Variants in SLC39A11 observed in about 807,000 individuals in gnomAD.
The protein encoded by SLC39A11 is solute carrier family 39 member 11.
SLC39A11 carries 33 observed loss-of-function variants against 36.1 expected under a neutral mutation model. The ratio of observed to expected loss-of-function variants is 0.91; its 90% CI spans 0.69 to 1.22. The LOEUF (loss-of-function observed/expected upper bound fraction) is 1.22. Ranked by LOEUF, SLC39A11 falls within the 50% of genes most tolerant of loss-of-function variation. The pLI is 0.00. For synonymous variants in SLC39A11, 166 were observed against 170.3 expected (o/e 0.97, Z 0.20); for missense variants, 432 against 430.3 (o/e 1.00, Z -0.03).
At chr17:72,731,713 T>G (rs527720624) in intron 7 of SLC39A11, among the ~76,000 whole-genome samples, 40 of 150,122 alleles carry the variant, frequency 2.7e-4, no homozygotes, top group Middle Eastern at 3.4e-3. Context: ...GCATTCCTTT[T>G]TTTGTTTGTT....
At chr17:73,077,636 A>G (rs2060368278) in intron 3 of SLC39A11, among the ~76,000 whole-genome samples, 1 of 152,186 alleles carries the variant, frequency 6.6e-6, no homozygotes, top group Non-Finnish European at 1.5e-5. Flanking sequence ...CTCAAGGACA[A>G]TTTTAGAAAA....
intron 5 of SLC39A11, among the ~76,000 whole-genome samples, chr17:72,862,952 C>A (rs573120968): frequency 2.0e-5 from 3 of 152,070 alleles, no homozygotes; most frequent in African/African-American, 7.2e-5. Flanking sequence ...AAACAAAACA[C>A]AAAACAAACG....
intron 7 of SLC39A11, among the ~76,000 whole-genome samples, chr17:72,700,845 G>A (rs1489416878): frequency 6.6e-6 from 1 of 152,208 alleles, no homozygotes; most frequent in Non-Finnish European, 1.5e-5. Context: ...CAGATCTCCT[G>A]AGACTTATCC....
chr17:72,679,378 T>C (rs147067433), intron 7 of SLC39A11, among the ~76,000 whole-genome samples: 3 of 152,310 alleles, frequency 2.0e-5, no homozygotes, highest in South Asian at 4.1e-4. Context: ...GCTAAAAATA[T>C]AGACAACAAT....
At chr17:72,780,525 G>GGGGA (rs1555670210) in intron 6 of SLC39A11, among the ~76,000 whole-genome samples, 1 of 122,962 alleles carries the variant, frequency 8.1e-6, no homozygotes, top group Non-Finnish European at 1.6e-5. Flanking sequence ...GAAGATGGGG[G>GGGGA]GCGGGTGGGG....
chr17:72,887,412 C>T (rs1345575959), intron 5 of SLC39A11, among the ~76,000 whole-genome samples: 1 of 152,212 alleles, frequency 6.6e-6, no homozygotes, highest in African/African-American at 2.4e-5. Context: ...ATGAGGAGCA[C>T]TTCTCCCGAG....
intron 4 of SLC39A11, among the ~76,000 whole-genome samples, chr17:73,014,821 C>T (rs907656655): frequency 3.3e-5 from 5 of 152,164 alleles, no homozygotes; most frequent in South Asian, 2.1e-4. Context: ...AGCCCCTGGC[C>T]GGCCTGCAGC....
chr17:72,896,542 C>T (rs2146828140), intron 5 of SLC39A11, among the ~76,000 whole-genome samples: 1 of 152,244 alleles, frequency 6.6e-6, no homozygotes, highest in East Asian at 1.9e-4. Flanking sequence ...TTTGTTAGTG[C>T]TGTACCCCAA....
At chr17:72,660,899 C>T (rs913691840) in intron 7 of SLC39A11, among the ~76,000 whole-genome samples, 3 of 152,160 alleles carry the variant, frequency 2.0e-5, no homozygotes. Flanking sequence ...GGCCAAATGT[C>T]TCCGGGGAGG....
chr17:72,782,574 G>A (rs543217399), intron 6 of SLC39A11, among the ~76,000 whole-genome samples: 212 of 151,384 alleles, frequency 1.4e-3, no homozygotes, highest in African/African-American at 4.6e-3. Flanking sequence ...TTATAATCCC[G>A]GTTACTTGGG....
chr17:72,981,962 G>C (rs1598712965), intron 4 of SLC39A11, among the ~76,000 whole-genome samples: 2 of 152,166 alleles, frequency 1.3e-5, no homozygotes, highest in East Asian at 3.8e-4. Context: ...CAAAGCTGTA[G>C]GCCGGAGCAG....
At chr17:72,766,453 C>CCA (rs1163557656) in intron 6 of SLC39A11, among the ~76,000 whole-genome samples, 1 of 152,178 alleles carries the variant, frequency 6.6e-6, no homozygotes, top group Non-Finnish European at 1.5e-5. Flanking sequence ...AGTGTTCACA[C>CCA]CACCTCAAGG....
intron 3 of SLC39A11, among the ~76,000 whole-genome samples, chr17:73,053,044 A>T (rs1387460658): frequency 6.6e-6 from 1 of 152,056 alleles, no homozygotes; most frequent in Non-Finnish European, 1.5e-5. Context: ...ATGTATTCTA[A>T]TCTTTTTCTT....
intron 6 of SLC39A11, among the ~76,000 whole-genome samples, chr17:72,842,519 T>TAGGAACTCATGA: frequency 6.6e-6 from 1 of 152,284 alleles, no homozygotes; most frequent in Non-Finnish European, 1.5e-5. Context: ...TGATAAGTGA[T>TAGGAACTCATGA]TAGTAGGAAC....
intron 3 of SLC39A11, among the ~76,000 whole-genome samples, chr17:73,084,065 G>A (rs2060634941): frequency 6.6e-6 from 1 of 152,182 alleles, no homozygotes; most frequent in Non-Finnish European, 1.5e-5. Flanking sequence ...TTAGCAAAAT[G>A]TCAATAATGA....
chr17:72,853,487 C>T (rs954514304), intron 5 of SLC39A11, among the ~76,000 whole-genome samples: 7 of 151,974 alleles, frequency 4.6e-5, no homozygotes, highest in African/African-American at 1.2e-4. Context: ...CTGCAGATAC[C>T]GCACAGAGAG....
intron 7 of SLC39A11, among the ~76,000 whole-genome samples, chr17:72,695,128 G>C (rs1419601347): frequency 2.6e-5 from 4 of 152,212 alleles, no homozygotes; most frequent in Admixed American, 2.6e-4. Flanking sequence ...GTAGAAACGG[G>C]AAGTCTGTTT....
chr17:72,883,297 T>A (rs1430160330), intron 5 of SLC39A11, among the ~76,000 whole-genome samples: 3 of 152,202 alleles, frequency 2.0e-5, no homozygotes, highest in Admixed American at 6.5e-5. Flanking sequence ...GGCCTGGATG[T>A]TACTATAGCT....
At chr17:73,064,085 CAAAAAAAAAAGGAAATAA>C (rs1274508203) in intron 3 of SLC39A11, among the ~76,000 whole-genome samples, 6 of 146,018 alleles carry the variant, frequency 4.1e-5, no homozygotes, top group African/African-American at 1.5e-4. Context: ...AATGCTACAG[CAAAAAAAAAAGGAAATAA>C]AAAAAAGAAA....
Sources: gnomAD v4.1 joint callset for allele counts (sites outside exome capture counted in the v4.1 genomes callset) on GRCh38, gnomAD v4.1.1 for gene constraint, MANE v1.5 for transcripts, NCBI Gene and HGNC (gene_info 2026-07-23, HGNC 2026-07-21) for gene names.